KSR2: variants seen among roughly 807,000 people sequenced by gnomAD.
KSR2 encodes the protein kinase suppressor of ras 2.
A neutral mutation model predicts 107.8 loss-of-function variants in KSR2; 25 were observed. The observed-to-expected ratio is 0.23, with a 90% CI of 0.17 to 0.32. The LOEUF is 0.32. Among genes scored for constraint, KSR2 ranks in the 10% least tolerant of loss-of-function variants. The probability of loss-of-function intolerance (pLI) is 1.00; values close to 1 mark genes in which losing one functional copy is unlikely to be tolerated. For missense variants in KSR2, 887 were observed against 1,268.9 expected, an observed-to-expected ratio of 0.70 and a Z score of 4.57; for synonymous variants, 480 against 507.0, an observed-to-expected ratio of 0.95 and a Z score of 0.71.
intron 1 of KSR2, among the ~76,000 whole-genome samples, chr12:117,891,662 G>A (rs1024407273): frequency 6.6e-6 from 1 of 151,866 alleles, no homozygotes; most frequent in African/African-American, 2.4e-5. Flanking sequence ...AGGAAGCATG[G>A]GATGAAAACC....
At chr12:117,859,956 C>T (rs1040072078) in intron 2 of KSR2, among the ~76,000 whole-genome samples, 8 of 152,206 alleles carry the variant, frequency 5.3e-5, no homozygotes, top group Non-Finnish European at 7.3e-5. Flanking sequence ...CAAGTGGCTA[C>T]CACAGCCGGC....
intron 3 of KSR2, among the ~76,000 whole-genome samples, chr12:117,828,130 C>A (rs557076885): frequency 1.1e-4 from 16 of 152,326 alleles, no homozygotes; most frequent in Non-Finnish European, 1.6e-4. Flanking sequence ...TCACCAAACT[C>A]CATGAGGATG....
intron 1 of KSR2, among the ~76,000 whole-genome samples, chr12:117,947,204 G>A (rs867197255): frequency 1.0e-4 from 6 of 59,242 alleles, no homozygotes; most frequent in East Asian, 4.4e-4. Flanking sequence ...AGAAAAGAAA[G>A]AAAAGAAAGA....
At chr12:117,814,648 C>T (rs767672679) in intron 3 of KSR2, among the ~76,000 whole-genome samples, 2 of 152,172 alleles carry the variant, frequency 1.3e-5, no homozygotes, top group Non-Finnish European at 2.9e-5. Context: ...AACCACATTC[C>T]TCCACAGAGG....
Position 117,469,757 on chromosome 12 carries a change from C to T in KSR2, c.2751G>A (p.Glu917=). Residue 917 remains glutamate (E), a synonymous_variant, in exon 19 of 20, where the codon GAG becomes GAA. Coordinates refer to ENST00000339824, the MANE Select transcript of KSR2 (RefSeq NM_173598.6). ...CCATGAGCTTGGTGAAGGTAGGTCT[C>T]TCTTCTTGTTCAAAGGCCCAGCAGA... ...LLFCWAFEQE[E]RPTFTKLMDM... 3 of 1,613,918 alleles carry T rather than the reference C, an allele frequency of 1.9e-6. No homozygotes were observed. Among genetic ancestry groups the T allele is most frequent in the Non-Finnish European group, 2.5e-6 (3 of 1,179,880 alleles).
At chr12:117,952,180 C>T (rs1178106139) in intron 1 of KSR2, among the ~76,000 whole-genome samples, 1 of 151,678 alleles carries the variant, frequency 6.6e-6, no homozygotes, top group Non-Finnish European at 1.5e-5. Flanking sequence ...CACACACACA[C>T]ACACATACAC....
At position 117,907,746 on chromosome 12, in the gene KSR2, G is replaced by A. The variant is rs955886630; in HGVS notation, c.181-47315C>T. ...CTGGCTTTCCAGAAGTATCTGAAGG[G>A]GGCAATTGTAACCACGTCAATTTTT... On this transcript the variant is annotated intron_variant, in intron 1 of 19. Transcript: ENST00000339824. This position sits in a 1 kb window ranked among gnomAD's most constrained non-coding sequence, Gnocchi z 4.3. Among the ~76,000 whole-genome samples the A allele has an allele frequency of 4.6e-5, 7 of 152,064 alleles. No homozygotes were observed. Among genetic ancestry groups the A allele is most frequent in the African/African-American group, 1.4e-4 (6 of 41,400 alleles).
chr12:117,670,456 C>T (rs990559880), intron 4 of KSR2, among the ~76,000 whole-genome samples: 2 of 152,164 alleles, frequency 1.3e-5, no homozygotes, highest in Non-Finnish European at 2.9e-5. Flanking sequence ...CCAGGCAGTA[C>T]GGCACCAGGG....
intron 4 of KSR2, among the ~76,000 whole-genome samples, chr12:117,697,028 C>G (rs2136599489): frequency 6.6e-6 from 1 of 152,258 alleles, no homozygotes; most frequent in South Asian, 2.1e-4. Context: ...GAGTTCAGAG[C>G]ACATTGATAT....
At chr12:117,527,996 T>A (rs961229240) in intron 12 of KSR2, among the ~76,000 whole-genome samples, 24 of 143,094 alleles carry the variant, frequency 1.7e-4, no homozygotes, top group East Asian at 4.0e-4. Context: ...TGTGTGTGTG[T>A]GATGCATTCA....
At chr12:117,869,754 T>C (rs1893591687) in intron 1 of KSR2, among the ~76,000 whole-genome samples, 1 of 152,222 alleles carries the variant, frequency 6.6e-6, no homozygotes, top group African/African-American at 2.4e-5. Context: ...GAAAAGCCCA[T>C]GATGTGAGCA....
chr12:117,689,681 C>T (rs1370702904), intron 4 of KSR2, among the ~76,000 whole-genome samples: 1 of 151,586 alleles, frequency 6.6e-6, no homozygotes, highest in East Asian at 2.0e-4. Flanking sequence ...AACCAACTGC[C>T]TAACAACACA....
At chr12:117,785,985 T>C (rs1460760446) in intron 3 of KSR2, among the ~76,000 whole-genome samples, 1 of 152,048 alleles carries the variant, frequency 6.6e-6, no homozygotes, top group Non-Finnish European at 1.5e-5. Context: ...AAACCCCACA[T>C]AGGATAAACT....
intron 4 of KSR2, among the ~76,000 whole-genome samples, chr12:117,751,322 C>T (rs978439979): frequency 3.2e-4 from 49 of 152,190 alleles, no homozygotes; most frequent in African/African-American, 1.1e-3. Context: ...TACCCAGTCT[C>T]GGGTATGTCT....
At chr12:117,863,702 C>G (rs565092053) in intron 1 of KSR2, among the ~76,000 whole-genome samples, 1 of 152,246 alleles carries the variant, frequency 6.6e-6, no homozygotes, top group South Asian at 2.1e-4. Flanking sequence ...TTCTGGAGAT[C>G]AAAAGTCCCA....
At chr12:117,500,406 G>A (rs1464158435) in intron 14 of KSR2, among the ~76,000 whole-genome samples, 1 of 152,124 alleles carries the variant, frequency 6.6e-6, no homozygotes, top group Non-Finnish European at 1.5e-5. Context: ...TCTGCTGAAG[G>A]TTTTACATAA....
In KSR2 at chr12:117,907,667, G is replaced by A. The variant is rs1894898116; in HGVS notation, c.181-47236C>T. ...ACCTGTAAGAGTACAAGGCTAAAGTGAGTTAACCTTACACTATTTAGTCAT... is the reference window on the plus strand; with the variant it reads ...ACCTGTAAGAGTACAAGGCTAAAGTAAGTTAACCTTACACTATTTAGTCAT... On this transcript the variant is annotated intron_variant, in intron 1 of 19. Coordinates refer to ENST00000339824, the MANE Select transcript of KSR2 (RefSeq NM_173598.6). The surrounding 1 kb of genome is among the most constrained non-coding windows in gnomAD (Gnocchi z 4.3). Among the ~76,000 whole-genome samples, 1 of 152,176 alleles carries A rather than the reference G, an allele frequency of 6.6e-6. No homozygotes were observed.
chr12:117,477,236 C>T (rs920272511), intron 16 of KSR2, among the ~76,000 whole-genome samples: 10 of 152,212 alleles, frequency 6.6e-5, no homozygotes, highest in Non-Finnish European at 1.5e-5. Flanking sequence ...AGAACATCCT[C>T]CTGTTTGACC....
chr12:117,714,184 T>C (rs997835693), intron 4 of KSR2, among the ~76,000 whole-genome samples: 1 of 152,156 alleles, frequency 6.6e-6, no homozygotes, highest in African/African-American at 2.4e-5. Context: ...ACTGATCTAT[T>C]ATTCTTTTTG....
Sources: gnomAD v4.1 joint callset for allele counts (sites outside exome capture counted in the v4.1 genomes callset) on GRCh38, gnomAD v4.1.1 for gene constraint, Gnocchi (gnomAD v3.1) non-coding constraint, MANE v1.5 for transcripts, NCBI Gene and HGNC (gene_info 2026-07-23, HGNC 2026-07-21) for gene names.